The following PTCHD4 variants were observed in gnomAD, a reference collection of about 807,000 sequenced individuals.
PTCHD4 encodes the protein patched domain containing 4, also known as patched domain-containing protein 4.
PTCHD4 carries 33 observed loss-of-function variants against 58.1 expected under a neutral mutation model. That is an observed-to-expected ratio of 0.57 (90% CI 0.43 to 0.76). PTCHD4 has a LOEUF of 0.76. Ranked by LOEUF, PTCHD4 falls within the 30% of genes least tolerant of loss-of-function variation. The probability of loss-of-function intolerance (pLI) is 0.00; values close to 1 mark genes in which losing one functional copy is unlikely to be tolerated. For synonymous variants in PTCHD4, 478 were observed against 409.6 expected, an observed-to-expected ratio of 1.17 and a Z score of -2.02; for missense variants, 1,058 against 1,027.1, an observed-to-expected ratio of 1.03 and a Z score of -0.41.
At chr6:48,018,852 G>T (rs76254399) in intron 3 of PTCHD4, among the ~76,000 whole-genome samples, 18 of 152,102 alleles carry the variant, frequency 1.2e-4, no homozygotes, top group Non-Finnish European at 2.5e-4. Context: ...CACCACTAAC[G>T]CAGGAGCATT....
At chr6:47,944,682 A>G (rs1288957360) in intron 4 of PTCHD4, among the ~76,000 whole-genome samples, 2 of 152,110 alleles carry the variant, frequency 1.3e-5, no homozygotes, top group Non-Finnish European at 2.9e-5. Context: ...GTTATTCTTT[A>G]GGCTGCTGTA....
intron 4 of PTCHD4, among the ~76,000 whole-genome samples, chr6:47,958,725 C>A (rs371724654): frequency 6.6e-6 from 1 of 152,024 alleles, no homozygotes; most frequent in African/African-American, 2.4e-5. Flanking sequence ...AGAAAACTAC[C>A]CTAAATTACA....
chr6:48,001,198 T>C (rs1385696835), intron 4 of PTCHD4, among the ~76,000 whole-genome samples: 5 of 152,168 alleles, frequency 3.3e-5, no homozygotes, highest in Non-Finnish European at 5.9e-5. Flanking sequence ...AATTTATAGA[T>C]TCAATGCCAT....
chr6:48,020,269 A>C (rs2114109618), intron 3 of PTCHD4, among the ~76,000 whole-genome samples: 1 of 152,250 alleles, frequency 6.6e-6, no homozygotes. Context: ...GAACATTAAA[A>C]AAGAGGTTTT....
intron 4 of PTCHD4, among the ~76,000 whole-genome samples, 190 bp downstream of exon 4, chr6:48,008,444 G>T (rs776270264): frequency 6.6e-6 from 1 of 152,142 alleles, no homozygotes; most frequent in Non-Finnish European, 1.5e-5. Context: ...TGAGTAGATG[G>T]TTTTGCTTAT....
chr6:47,889,987 T>C (rs1764325258), intron 4 of PTCHD4, among the ~76,000 whole-genome samples: 1 of 152,116 alleles, frequency 6.6e-6, no homozygotes, highest in Non-Finnish European at 1.5e-5. Flanking sequence ...GAATTTATTT[T>C]GTAGTTCTAT....
intron 4 of PTCHD4, among the ~76,000 whole-genome samples, chr6:47,894,603 C>G (rs1364694976): frequency 6.6e-6 from 1 of 152,186 alleles, no homozygotes; most frequent in Non-Finnish European, 1.5e-5. Flanking sequence ...AAATGTTAGC[C>G]ATCATTTTTA....
rs186250819 is a variant in PTCHD4, at chr6:48,048,737, C to T, written c.417+19493G>A. 5.1e-4 allele frequency among the ~76,000 whole-genome samples: 77 copies of T among 152,110 alleles called. 1 individual carries two copies. The highest frequency in any genetic ancestry group is 3.4e-3 in the Middle Eastern group (1 of 294). ...CACCAGCTGTGTTCTCTCCTAAATG[C>T]TGAGCTTCCCAGACCAACAGGATTT... On this transcript the variant is annotated intron_variant, in intron 3 of 4. Transcript: ENST00000339488.
chr6:48,030,486 A>T (rs750214320), intron 3 of PTCHD4, among the ~76,000 whole-genome samples: 3 of 152,120 alleles, frequency 2.0e-5, no homozygotes, highest in Admixed American at 6.6e-5. Context: ...ACCACTAAAA[A>T]TGAAAACAGC....
intron 4 of PTCHD4, among the ~76,000 whole-genome samples, chr6:47,959,095 TG>T (rs1203338766): frequency 6.6e-6 from 1 of 152,184 alleles, no homozygotes; most frequent in Non-Finnish European, 1.5e-5. Flanking sequence ...CAGGAAAATA[TG>T]ATCCATAATA....
intron 4 of PTCHD4, among the ~76,000 whole-genome samples, chr6:47,942,233 G>A (rs1766258645): frequency 6.6e-6 from 1 of 152,074 alleles, no homozygotes; most frequent in South Asian, 2.1e-4. Flanking sequence ...TCCCAACTGG[G>A]GAGTTGCAAA....
At chr6:47,993,238 G>A (rs1484643780) in intron 4 of PTCHD4, among the ~76,000 whole-genome samples, 1 of 152,062 alleles carries the variant, frequency 6.6e-6, no homozygotes, top group African/African-American at 2.4e-5. Context: ...TTCTATTCTT[G>A]CTTTGTAGAG....
At chr6:47,962,061 A>G (rs1309230842) in intron 4 of PTCHD4, among the ~76,000 whole-genome samples, 1 of 152,154 alleles carries the variant, frequency 6.6e-6, no homozygotes, top group Non-Finnish European at 1.5e-5. Context: ...AATCAGTCTC[A>G]GGAATGAAAG....
chr6:47,903,636 A>G (rs918970329), intron 4 of PTCHD4, among the ~76,000 whole-genome samples: 1 of 152,150 alleles, frequency 6.6e-6, no homozygotes, highest in Non-Finnish European at 1.5e-5. Flanking sequence ...TATTTCATTC[A>G]ATATATATTT....
At chr6:47,894,489 C>T (rs1315261043) in intron 4 of PTCHD4, among the ~76,000 whole-genome samples, 1 of 152,178 alleles carries the variant, frequency 6.6e-6, no homozygotes, top group Non-Finnish European at 1.5e-5. Context: ...TAGTCTTCCT[C>T]ATATGCAAGA....
At chr6:48,044,176 A>AT (rs947104066) in intron 3 of PTCHD4, among the ~76,000 whole-genome samples, 3 of 151,682 alleles carry the variant, frequency 2.0e-5, no homozygotes, top group Non-Finnish European at 4.4e-5. Context: ...GAACTGAGCA[A>AT]TTTTTTTGCA....
chr6:48,051,051 A>T (rs904188177), intron 3 of PTCHD4, among the ~76,000 whole-genome samples: 5 of 152,078 alleles, frequency 3.3e-5, no homozygotes, highest in African/African-American at 1.2e-4. Flanking sequence ...GTAGATGAAC[A>T]TCAATTCTCA....
intron 4 of PTCHD4, among the ~76,000 whole-genome samples, chr6:47,947,056 G>A (rs1766450278): frequency 1.3e-5 from 2 of 151,898 alleles, no homozygotes; most frequent in Non-Finnish European, 2.9e-5. Flanking sequence ...GCTGGTCTGA[G>A]ACTCCTGACA....
chr6:47,912,940 C>T (rs1264055760), intron 4 of PTCHD4, among the ~76,000 whole-genome samples: 1 of 152,062 alleles, frequency 6.6e-6, no homozygotes, highest in South Asian at 2.1e-4. Context: ...CGCCTTGCTT[C>T]CCCATGTGAT....
Sources: gnomAD v4.1 joint callset for allele counts (sites outside exome capture counted in the v4.1 genomes callset) on GRCh38, gnomAD v4.1.1 for gene constraint, MANE v1.5 for transcripts, NCBI Gene and HGNC (gene_info 2026-07-23, HGNC 2026-07-21) for gene names.